Variants in COL21A1 observed in about 807,000 individuals in gnomAD.
The protein encoded by COL21A1 is collagen alpha-1(XXI) chain.
In COL21A1, 149 loss-of-function variants were observed where a neutral mutation model predicts 137.9. The ratio of observed to expected loss-of-function variants is 1.08; its 90% CI spans 0.95 to 1.24. COL21A1 has a LOEUF of 1.24. COL21A1 is among the 50% of genes most tolerant of loss of function. The probability of loss-of-function intolerance (pLI) is 0.00; values close to 1 mark genes in which losing one functional copy is unlikely to be tolerated. For missense variants in COL21A1, 1,167 were observed against 1,158.4 expected, an observed-to-expected ratio of 1.01 and a Z score of -0.11; for synonymous variants, 456 against 391.5, an observed-to-expected ratio of 1.16 and a Z score of -1.95.
At chr6:56,352,332 G>A (rs537418257) in intron 1 of COL21A1, among the ~76,000 whole-genome samples, 18 of 152,158 alleles carry the variant, frequency 1.2e-4, no homozygotes, top group African/African-American at 4.1e-4. Context: ...GTGGACAAGT[G>A]GGAGAAGAAT....
intron 18 of COL21A1, among the ~76,000 whole-genome samples, chr6:56,077,269 A>G (rs1767323594): frequency 6.6e-6 from 1 of 151,476 alleles, no homozygotes; most frequent in Non-Finnish European, 1.5e-5. Context: ...AAATTATGCC[A>G]TAATTATGTT....
At chr6:56,215,152 C>T (rs75499270) in intron 1 of COL21A1, among the ~76,000 whole-genome samples, 1 of 152,130 alleles carries the variant, frequency 6.6e-6, no homozygotes, top group African/African-American at 2.4e-5. Flanking sequence ...CTTTTATTTC[C>T]GTCCCCTCAT....
At chr6:56,102,048 T>C (rs1369604445) in intron 16 of COL21A1, among the ~76,000 whole-genome samples, 2 of 152,144 alleles carry the variant, frequency 1.3e-5, no homozygotes, top group Non-Finnish European at 1.5e-5. Context: ...ATATTTTAGG[T>C]AGCTGTTAAA....
intron 2 of COL21A1, among the ~76,000 whole-genome samples, chr6:56,180,648 G>A (rs184947924): frequency 1.7e-4 from 26 of 152,324 alleles, no homozygotes; most frequent in African/African-American, 5.5e-4. Flanking sequence ...CATCTTTGGT[G>A]CAAGTTACAT....
At chr6:56,298,604 A>G (rs1345667639) in intron 1 of COL21A1, among the ~76,000 whole-genome samples, 2 of 152,092 alleles carry the variant, frequency 1.3e-5, no homozygotes, top group Non-Finnish European at 2.9e-5. Flanking sequence ...CAAGGTCTAA[A>G]GAGTTGGTGG....
At chr6:56,232,620 G>T (rs769670491) in intron 1 of COL21A1, among the ~76,000 whole-genome samples, 1 of 151,906 alleles carries the variant, frequency 6.6e-6, no homozygotes, top group African/African-American at 2.4e-5. Context: ...ACTGGACTTC[G>T]TTCATCCTGA....
chr6:56,358,340 A>T (rs1765884925), intron 1 of COL21A1, among the ~76,000 whole-genome samples: 3 of 148,836 alleles, frequency 2.0e-5, no homozygotes. Flanking sequence ...TTTAATATGT[A>T]AAAAAAAAAC....
intron 1 of COL21A1, among the ~76,000 whole-genome samples, chr6:56,386,967 G>A (rs1298915881): frequency 6.6e-6 from 1 of 152,210 alleles, no homozygotes; most frequent in Non-Finnish European, 1.5e-5. Context: ...AAATGAAAGG[G>A]TTAGGCCAGA....
intron 1 of COL21A1, among the ~76,000 whole-genome samples, chr6:56,316,615 G>A (rs917175828): frequency 6.8e-6 from 1 of 148,142 alleles, no homozygotes; most frequent in Admixed American, 7.0e-5. Flanking sequence ...CCAAGTAGCC[G>A]GGAGTACAGG....
At chr6:56,071,583 GC>G (rs1766759414) in intron 20 of COL21A1, among the ~76,000 whole-genome samples, 1 of 151,542 alleles carries the variant, frequency 6.6e-6, no homozygotes, top group Middle Eastern at 3.2e-3. Flanking sequence ...GCAAACCAAT[GC>G]CATTTTCAGC....
intron 1 of COL21A1, among the ~76,000 whole-genome samples, chr6:56,376,821 C>G (rs1426549933): frequency 1.6e-5 from 2 of 124,784 alleles, no homozygotes; most frequent in Admixed American, 1.5e-4. Flanking sequence ...CTCCACCAAT[C>G]GACGCCCACC....
intron 17 of COL21A1, among the ~76,000 whole-genome samples, chr6:56,081,181 A>T (rs963978947): frequency 2.0e-5 from 3 of 151,792 alleles, no homozygotes; most frequent in Non-Finnish European, 4.4e-5. Flanking sequence ...GAAATACTTG[A>T]AGTCAACTTT....
intron 17 of COL21A1, among the ~76,000 whole-genome samples, chr6:56,088,492 CAA>C (rs1768477539): frequency 6.6e-6 from 1 of 152,166 alleles, no homozygotes; most frequent in South Asian, 2.1e-4. Flanking sequence ...GCAAAAAGTA[CAA>C]AGTTTTTGCA....
intron 12 of COL21A1, among the ~76,000 whole-genome samples, chr6:56,133,579 A>G (rs1255697295): frequency 1.3e-5 from 2 of 152,234 alleles, no homozygotes; most frequent in Non-Finnish European, 2.9e-5. Flanking sequence ...CTGAATGTTA[A>G]TCTCCAACAA....
chr6:56,208,723 C>G (rs940551475), intron 1 of COL21A1, among the ~76,000 whole-genome samples: 1 of 152,124 alleles, frequency 6.6e-6, no homozygotes, highest in Admixed American at 6.5e-5. Flanking sequence ...CCAAGACAAT[C>G]CTAGGTAAAA....
At chr6:56,381,502 C>T (rs529806091) in intron 1 of COL21A1, among the ~76,000 whole-genome samples, 5 of 152,290 alleles carry the variant, frequency 3.3e-5, no homozygotes, top group African/African-American at 1.2e-4. Context: ...TTCACTTTAT[C>T]CTTGAAATAT....
upstream of COL21A1, among the ~76,000 whole-genome samples, chr6:56,249,196 G>A (rs1782788139): frequency 1.3e-5 from 2 of 152,172 alleles, no homozygotes; most frequent in Non-Finnish European, 2.9e-5. Context: ...CCACTAGGAT[G>A]GCTAAAATAA....
chr6:56,191,894 A>G (rs542054717), intron 1 of COL21A1, among the ~76,000 whole-genome samples: 171 of 152,276 alleles, frequency 1.1e-3, no homozygotes, highest in African/African-American at 4.0e-3. Flanking sequence ...CATAACCAAG[A>G]CAATCCTAAG....
intron 1 of COL21A1, among the ~76,000 whole-genome samples, chr6:56,236,893 T>G (rs112223523): frequency 0.014 from 2,201 of 152,146 alleles, 30 homozygotes; most frequent in Middle Eastern, 0.037. Flanking sequence ...AGTGATGAAA[T>G]ATACAGTAAT....
Sources: gnomAD v4.1 joint callset for allele counts (sites outside exome capture counted in the v4.1 genomes callset) on GRCh38, gnomAD v4.1.1 for gene constraint, MANE v1.5 for transcripts, NCBI Gene and HGNC (gene_info 2026-07-23, HGNC 2026-07-21) for gene names.